Variants in TMEM116 observed in about 807,000 individuals in gnomAD.
TMEM116 encodes the protein transmembrane protein 116.
Under a neutral mutation model 44.3 loss-of-function variants are expected in TMEM116, and 38 were observed. That is an observed-to-expected ratio of 0.86 (90% CI 0.66 to 1.12). TMEM116 has a LOEUF of 1.12. Ranked by LOEUF, TMEM116 falls within the 50% of genes most tolerant of loss-of-function variation. The pLI is 0.00. For synonymous variants in TMEM116, 132 were observed against 144.8 expected (o/e 0.91, Z 0.64); for missense variants, 354 against 401.7 (o/e 0.88, Z 1.01).
At chr12:111,997,675 A>AAAAAT (rs2077004730) in intron 3 of TMEM116, among the ~76,000 whole-genome samples, 1 of 152,176 alleles carries the variant, frequency 6.6e-6, no homozygotes, top group Non-Finnish European at 1.5e-5. Context: ...TCCCAAGCCC[A>AAAAAT]CCTATACAAG....
chr12:111,936,126 T>C (rs1327072296), intron 8 of TMEM116: 11 of 152,178 alleles, frequency 7.2e-5, no homozygotes, highest in Non-Finnish European at 1.6e-4. Context: ...CAAAGGCATA[T>C]TTGCTCATTT....
At chr12:111,964,916 C>T (rs2074885443) in intron 4 of TMEM116, among the ~76,000 whole-genome samples, 1 of 152,086 alleles carries the variant, frequency 6.6e-6, no homozygotes, top group Non-Finnish European at 1.5e-5. Flanking sequence ...TGGTCTCAAA[C>T]TCCTGGACTC....
At chr12:111,969,884 A>T (rs554500141) in intron 4 of TMEM116, among the ~76,000 whole-genome samples, 5 of 152,074 alleles carry the variant, frequency 3.3e-5, no homozygotes, top group Non-Finnish European at 5.9e-5. Context: ...CTGGCCTGAG[A>T]TTTTTTTTAA....
chr12:111,996,012 C>G (rs1001849449), intron 3 of TMEM116, among the ~76,000 whole-genome samples: 1 of 144,108 alleles, frequency 6.9e-6, no homozygotes, highest in Non-Finnish European at 1.5e-5. Context: ...TGCACTTCAG[C>G]CAGGGAAACA....
chr12:112,003,364 C>T (rs148379898), intron 3 of TMEM116, among the ~76,000 whole-genome samples: 4,254 of 152,186 alleles, frequency 0.028, 81 homozygotes, highest in Non-Finnish European at 0.045. Flanking sequence ...ATCAGGAGAT[C>T]GAGACCATCC....
At chr12:111,983,993 T>C (rs1323657487) in intron 4 of TMEM116, among the ~76,000 whole-genome samples, 3 of 152,124 alleles carry the variant, frequency 2.0e-5, no homozygotes, top group Non-Finnish European at 4.4e-5. Context: ...ATAGGAGCTG[T>C]TCCTGGAATG....
rs775044914 is a variant in TMEM116 at position 111,943,251 on chromosome 12, T to G, written c.315+14A>C. Reference sequence around the variant, plus strand: ...GCATACTATTATTAACTATCAGCCCTGAATAAAACTTACCAGTGGAGATGT... The same window carrying G: ...GCATACTATTATTAACTATCAGCCCGGAATAAAACTTACCAGTGGAGATGT... On this transcript the variant is annotated intron_variant, in intron 5 of 10. Coordinates refer to ENST00000552374, the MANE Select transcript of TMEM116 (RefSeq NM_001193531.2). 1 of 1,597,492 alleles carries G rather than the reference T, an allele frequency of 6.3e-7. No individual in the cohort carries two copies.
chr12:111,968,772 C>G (rs2075129791), intron 4 of TMEM116, among the ~76,000 whole-genome samples: 1 of 152,042 alleles, frequency 6.6e-6, no homozygotes, highest in Non-Finnish European at 1.5e-5. Flanking sequence ...GCAGGTGGAT[C>G]ACCTGAGGTC....
chr12:111,992,037 G>A, intron 3 of TMEM116, 148 bp from the exon 4 acceptor site: 1 of 775,604 alleles, frequency 1.3e-6, no homozygotes, highest in Non-Finnish European at 2.0e-6. Flanking sequence ...GGCAATGCAA[G>A]GGAAGACTAC....
rs202013047 is a variant in TMEM116 at position 111,943,326 on chromosome 12, C to G, written c.254G>C (p.Trp85Ser). Residue 85 changes from tryptophan to serine, a missense_variant, in exon 5 of 11, where the codon TGG becomes TCG. Trp to Ser is a radical substitution (Grantham distance 177, BLOSUM62 -3). Coordinates refer to ENST00000552374, the MANE Select transcript of TMEM116 (RefSeq NM_001193531.2). ...CATCCTCAGCTCTGTGTACAAATAC[C>G]AGATGTAATTGACGGTGTAGAGAAA... ...SSFLYTVNYI[W>S]YLYTELRMKH... is the part of the protein sequence containing the mutation. 323 of 1,613,946 alleles carry G rather than the reference C, an allele frequency of 2.0e-4. No homozygotes were observed. The highest frequency in any genetic ancestry group is 2.6e-4 in the Non-Finnish European group (309 of 1,179,974).
chr12:112,013,209 G>C (rs1043253500), upstream of TMEM116: 16 of 432,970 alleles, frequency 3.7e-5, no homozygotes, highest in Non-Finnish European at 8.2e-6. Flanking sequence ...GCGCGCAGGA[G>C]CCCATTTTCC....
At chr12:112,008,349 C>T (rs1016893618) in intron 1 of TMEM116, among the ~76,000 whole-genome samples, 53 of 152,060 alleles carry the variant, frequency 3.5e-4, no homozygotes, top group African/African-American at 1.2e-3. Context: ...GGTATGGTGG[C>T]GGGCGCCTGT....
chr12:111,953,394 T>G (rs2073873950), intron 4 of TMEM116, among the ~76,000 whole-genome samples: 1 of 151,980 alleles, frequency 6.6e-6, no homozygotes, highest in African/African-American at 2.4e-5. Context: ...CAGAAAAAGA[T>G]CTTGATCAAA....
chr12:111,940,498 C>CATATAT (rs1385809809), intron 5 of TMEM116, among the ~76,000 whole-genome samples: 1 of 118,900 alleles, frequency 8.4e-6, no homozygotes, highest in Non-Finnish European at 1.7e-5. Context: ...CACACACACA[C>CATATAT]ATATATATAC....
At position 111,991,792 on chromosome 12, in the gene TMEM116, T is replaced by A. The variant is rs1465897840; in HGVS notation, c.176A>T (p.Asp59Val). Residue 59 changes from aspartate (D) to valine (V), a missense_variant, in exon 4 of 11, where the codon GAC becomes GTC. Coordinates refer to ENST00000552374, the MANE Select transcript of TMEM116 (RefSeq NM_001193531.2). Reference protein sequence around the residue: ...LLYGASVANKDIICYNLQAVG... With the variant: ...LLYGASVANKVIICYNLQAVG... Reference sequence around the variant, plus strand: ...TGCTTGTAGGTTATAGCAGATGATGTCCTTATTTGCTACTGAAGCTCCATA... The same window carrying A: ...TGCTTGTAGGTTATAGCAGATGATGACCTTATTTGCTACTGAAGCTCCATA... 1 of 1,535,538 alleles carries A rather than the reference T, an allele frequency of 6.5e-7. No homozygotes were observed. The highest frequency in any genetic ancestry group is 8.7e-7 in the Non-Finnish European group (1 of 1,146,534).
chr12:111,993,624 C>G (rs2076750483), intron 3 of TMEM116: 1 of 557,400 alleles, frequency 1.8e-6, no homozygotes, highest in African/African-American at 1.9e-5. Context: ...TAAAAACATT[C>G]TACAAAGGGG....
At chr12:112,002,342 G>A (rs372087551) in intron 3 of TMEM116, among the ~76,000 whole-genome samples, 1 of 147,240 alleles carries the variant, frequency 6.8e-6, no homozygotes, top group African/African-American at 2.5e-5. Context: ...GCAGTGAGCC[G>A]AGATTGCACC....
At chr12:112,001,761 A>G (rs1275285780) in intron 3 of TMEM116, among the ~76,000 whole-genome samples, 2 of 152,242 alleles carry the variant, frequency 1.3e-5, no homozygotes, top group African/African-American at 4.8e-5. Flanking sequence ...AAGATGTTTG[A>G]CTTAAAATTA....
At chr12:111,993,418 T>C in intron 3 of TMEM116, 1 of 555,300 alleles carries the variant, frequency 1.8e-6, no homozygotes, top group South Asian at 1.4e-5. Context: ...TATGAAGTCT[T>C]TAAAGTCTTG....
Sources: gnomAD v4.1 joint callset for allele counts (sites outside exome capture counted in the v4.1 genomes callset) on GRCh38, gnomAD v4.1.1 for gene constraint, MANE v1.5 for transcripts, NCBI Gene and HGNC (gene_info 2026-07-23, HGNC 2026-07-21) for gene names.